VTI1A: variants seen among roughly 807,000 people sequenced by gnomAD.
VTI1A encodes the protein vesicle transport through interaction with t-SNAREs homolog 1A.
VTI1A carries 22 observed loss-of-function variants against 34.9 expected under a neutral mutation model. The observed-to-expected ratio is 0.63, with a 90% CI of 0.45 to 0.90. The LOEUF is 0.90. Ranked by LOEUF, VTI1A falls within the 40% of genes least tolerant of loss-of-function variation. The pLI is 0.00. For synonymous variants in VTI1A, 87 were observed against 97.3 expected (o/e 0.89, Z 0.62); for missense variants, 268 against 275.6 (o/e 0.97, Z 0.20).
the VTI1A span, among the ~76,000 whole-genome samples, chr10:112,829,850 A>T: frequency 6.6e-6 from 1 of 152,352 alleles, no homozygotes; most frequent in Non-Finnish European, 1.5e-5. Context: ...ACTCATAACA[A>T]CATCTGTGGG....
intron 7 of VTI1A, 51 bp from the exon 8 acceptor site, chr10:112,815,239 G>A (rs766014938): frequency 6.6e-7 from 1 of 1,518,924 alleles, no homozygotes; most frequent in Non-Finnish European, 9.1e-7. Flanking sequence ...GCGTTTGTGG[G>A]AAGGCCTTCC....
At chr10:112,842,653 T>C in the VTI1A span, among the ~76,000 whole-genome samples, 2 of 152,230 alleles carry the variant, frequency 1.3e-5, no homozygotes, top group African/African-American at 4.8e-5. Flanking sequence ...ATTCTGATTA[T>C]TTGGCAGTCT....
intron 7 of VTI1A, among the ~76,000 whole-genome samples, chr10:112,798,424 A>C (rs1209391819): frequency 1.3e-5 from 2 of 152,142 alleles, no homozygotes; most frequent in Non-Finnish European, 2.9e-5. Context: ...TATCACCCTC[A>C]TCTGTGAAAA....
chr10:112,811,557 G>A (rs970572550), intron 7 of VTI1A, among the ~76,000 whole-genome samples: 2 of 151,920 alleles, frequency 1.3e-5, no homozygotes, highest in African/African-American at 2.4e-5. Context: ...GGTGGCGGGC[G>A]CCTGTAGTCC....
chr10:112,846,108 C>G, the VTI1A span, among the ~76,000 whole-genome samples: 1 of 152,166 alleles, frequency 6.6e-6, no homozygotes, highest in South Asian at 2.1e-4. Context: ...TGGGAACTTG[C>G]GTAACAGATA....
intron 7 of VTI1A, among the ~76,000 whole-genome samples, chr10:112,694,128 C>T (rs1179257843): frequency 2.0e-5 from 3 of 152,174 alleles, no homozygotes; most frequent in African/African-American, 7.2e-5. Flanking sequence ...ATCGCTTGAA[C>T]CCAGGAGGCG....
intron 5 of VTI1A, among the ~76,000 whole-genome samples, chr10:112,620,498 A>C (rs1845691192): frequency 6.6e-6 from 1 of 152,130 alleles, no homozygotes. Context: ...TTTAACTAGA[A>C]ATTTTGAACT....
At chr10:112,796,123 G>A (rs4282923) in intron 7 of VTI1A, among the ~76,000 whole-genome samples, 81,239 of 151,978 alleles carry the variant, frequency 0.53, 21,995 homozygotes, top group South Asian at 0.67. Flanking sequence ...ACGGGGCCAC[G>A]CGCGGTGGCT....
At chr10:112,515,013 T>G (rs1179111509) in intron 3 of VTI1A, among the ~76,000 whole-genome samples, 2 of 152,056 alleles carry the variant, frequency 1.3e-5, no homozygotes, top group Non-Finnish European at 2.9e-5. Flanking sequence ...TATCTAATTT[T>G]AATATAAGAA....
intron 7 of VTI1A, among the ~76,000 whole-genome samples, chr10:112,783,123 A>G (rs927776264): frequency 6.6e-6 from 1 of 152,228 alleles, no homozygotes; most frequent in African/African-American, 2.4e-5. Context: ...AGACAAAAAC[A>G]TATATACATT....
chr10:112,613,906 G>A (rs1048916720), intron 5 of VTI1A, among the ~76,000 whole-genome samples: 9 of 152,188 alleles, frequency 5.9e-5, no homozygotes, highest in Admixed American at 4.6e-4. Context: ...TCATATTGCT[G>A]TGCTTGGGAA....
intron 7 of VTI1A, among the ~76,000 whole-genome samples, chr10:112,701,223 A>G (rs1848997632): frequency 6.6e-6 from 1 of 152,248 alleles, no homozygotes. Context: ...CTAACTTTCC[A>G]TGTTAAATTG....
the VTI1A span, among the ~76,000 whole-genome samples, chr10:112,836,537 C>T: frequency 6.6e-6 from 1 of 152,200 alleles, no homozygotes; most frequent in African/African-American, 2.4e-5. Flanking sequence ...TACCTCATAG[C>T]AAATTTCCCT....
Position 112,765,605 on chromosome 10 carries a change from A to G in VTI1A, c.561-49685A>G, listed in dbSNP as rs563820752. On this transcript the variant is annotated intron_variant, in intron 7 of 7. Transcript: ENST00000393077. ...CTAAACACTGCTAGGTGCTGGGGAA[A>G]TATTGGTGAGCAAAAGGGACACAGT... 7.9e-5 allele frequency among the ~76,000 whole-genome samples: 12 copies of G among 152,330 alleles called. No individual in the cohort carries two copies. In the South Asian group the frequency reaches 2.5e-3, roughly 32 times the overall value.
At chr10:112,637,418 C>T (rs1846396814) in intron 5 of VTI1A, among the ~76,000 whole-genome samples, 1 of 152,202 alleles carries the variant, frequency 6.6e-6, no homozygotes, top group Admixed American at 6.5e-5. Context: ...CCTGTAATCC[C>T]AGCACTTTGG....
chr10:112,538,720 A>C (rs879837441), intron 5 of VTI1A: 4 of 158,648 alleles, frequency 2.5e-5, no homozygotes, highest in Non-Finnish European at 4.1e-5. Flanking sequence ...AATCTAAATC[A>C]TGTGAACTAG....
At chr10:112,585,698 C>T (rs1489135884) in intron 5 of VTI1A, among the ~76,000 whole-genome samples, 2 of 133,476 alleles carry the variant, frequency 1.5e-5, no homozygotes, top group Non-Finnish European at 3.1e-5. Context: ...GTGTCACATA[C>T]ACCCTCGCCG....
At chr10:112,850,490 C>A in the VTI1A span, among the ~76,000 whole-genome samples, 1,942 of 152,180 alleles carry the variant, frequency 0.013, 54 homozygotes, top group African/African-American at 0.044. Flanking sequence ...ATTCACTAAA[C>A]CCCCAAGACT....
At chr10:112,459,116 T>TA (rs1847643585) in intron 1 of VTI1A, among the ~76,000 whole-genome samples, 1 of 152,220 alleles carries the variant, frequency 6.6e-6, no homozygotes, top group East Asian at 1.9e-4. Flanking sequence ...CCATGTGACA[T>TA]AAACCCAGTT....
Sources: allele counts gnomAD v4.1 joint callset (sites outside exome capture counted in the v4.1 genomes callset), GRCh38; gene constraint gnomAD v4.1.1; transcripts MANE v1.5; gene names NCBI Gene and HGNC (gene_info 2026-07-23, HGNC 2026-07-21).